NR2F1-AS1: variants seen among roughly 807,000 people sequenced by gnomAD.
The protein encoded by NR2F1-AS1 is NR2F1 regulatory antisense RNA 1, also known as NR2F1 antisense RNA 1.
intron 4 of NR2F1-AS1, among the ~76,000 whole-genome samples, chr5:93,479,025 C>T (rs886162275): frequency 1.3e-5 from 2 of 152,172 alleles, no homozygotes; most frequent in Admixed American, 1.3e-4. Context: ...TACTTCAGAA[C>T]TCAAGTCTAG....
At chr5:93,571,581 G>A (rs926816669) in intron 1 of NR2F1-AS1, among the ~76,000 whole-genome samples, 1 of 151,820 alleles carries the variant, frequency 6.6e-6, no homozygotes, top group East Asian at 1.9e-4. Context: ...ATGCAAGAGC[G>A]TTTGGGGAAA....
chr5:93,536,131 A>G (rs951391554), intron 4 of NR2F1-AS1, among the ~76,000 whole-genome samples: 2 of 152,168 alleles, frequency 1.3e-5, no homozygotes, highest in Non-Finnish European at 2.9e-5. Flanking sequence ...AAATCAGCAT[A>G]ATTTCTATAT....
chr5:93,557,822 G>A (rs894243431), intron 2 of NR2F1-AS1, among the ~76,000 whole-genome samples: 1 of 152,174 alleles, frequency 6.6e-6, no homozygotes, highest in Admixed American at 6.5e-5. Context: ...CCACAGTAGA[G>A]CTTCTTTCAA....
intron 4 of NR2F1-AS1, among the ~76,000 whole-genome samples, chr5:93,547,064 C>A (rs899237313): frequency 6.6e-5 from 10 of 152,232 alleles, no homozygotes; most frequent in South Asian, 4.2e-4. Context: ...GCCAGCCTGC[C>A]CTACAGATTT....
chr5:93,473,850 T>C (rs1166530665), intron 4 of NR2F1-AS1, among the ~76,000 whole-genome samples: 3 of 151,930 alleles, frequency 2.0e-5, no homozygotes, highest in Non-Finnish European at 2.9e-5. Flanking sequence ...AACCTACTCA[T>C]GGATACTTGA....
chr5:93,413,772 A>G (rs1192891476), intron 4 of NR2F1-AS1, among the ~76,000 whole-genome samples: 1 of 152,216 alleles, frequency 6.6e-6, no homozygotes, highest in East Asian at 1.9e-4. Context: ...TCTAAACTAC[A>G]TCAGAATAGA....
intron 1 of NR2F1-AS1, among the ~76,000 whole-genome samples, chr5:93,580,215 G>A (rs911406129): frequency 6.6e-6 from 1 of 152,230 alleles, no homozygotes; most frequent in Non-Finnish European, 1.5e-5. Context: ...AATGTGGATT[G>A]CTGCTCGCCT....
Position 93,441,807 on chromosome 5 carries a change from T to C in NR2F1-AS1, n.639-46265A>G, listed in dbSNP as rs571374307. On this transcript the variant is annotated intron_variant and non_coding_transcript_variant, in intron 4 of 5. Transcript: ENST00000660523. ...AATGTGCCTGTAACATTATATACCA[T>C]GTGTAGATGCTCAACAGAAGGCAGT... Among the ~76,000 whole-genome samples, 10 of 152,326 alleles carry C rather than the reference T, an allele frequency of 6.6e-5. No homozygotes were observed. In the South Asian group the frequency reaches 2.1e-3, roughly 32 times the overall value.
At chr5:93,497,344 C>T (rs957887948) in intron 4 of NR2F1-AS1, among the ~76,000 whole-genome samples, 1 of 152,136 alleles carries the variant, frequency 6.6e-6, no homozygotes, top group African/African-American at 2.4e-5. Context: ...CCCTCATCAC[C>T]ACAGCTGTGA....
chr5:93,521,060 C>G (rs6556824), intron 4 of NR2F1-AS1, among the ~76,000 whole-genome samples: 26,171 of 151,952 alleles, frequency 0.17, 3,510 homozygotes, highest in African/African-American at 0.38. Flanking sequence ...CCAGAAGTAA[C>G]GCCACACACC....
intron 1 of NR2F1-AS1, among the ~76,000 whole-genome samples, chr5:93,567,388 C>A (rs1752643320): frequency 6.6e-6 from 1 of 152,050 alleles, no homozygotes; most frequent in Non-Finnish European, 1.5e-5. Flanking sequence ...ATGAAGTAGC[C>A]TATTGATTGC....
At chr5:93,534,736 G>C (rs2149902265) in intron 4 of NR2F1-AS1, among the ~76,000 whole-genome samples, 1 of 152,232 alleles carries the variant, frequency 6.6e-6, no homozygotes, top group East Asian at 1.9e-4. Flanking sequence ...CAGGAAACAA[G>C]TAAATTACGA....
intron 4 of NR2F1-AS1, among the ~76,000 whole-genome samples, chr5:93,412,995 G>A (rs540750714): frequency 1.2e-3 from 179 of 151,324 alleles, no homozygotes; most frequent in African/African-American, 3.7e-3. Flanking sequence ...CCTGTTCCCT[G>A]GAAACCTATG....
At chr5:93,477,848 G>A (rs1750517229) in intron 4 of NR2F1-AS1, among the ~76,000 whole-genome samples, 1 of 152,178 alleles carries the variant, frequency 6.6e-6, no homozygotes. Context: ...TTTCCAGAAT[G>A]AGTAAACACA....
intron 4 of NR2F1-AS1, among the ~76,000 whole-genome samples, chr5:93,464,677 G>A (rs1750186268): frequency 6.6e-6 from 1 of 152,192 alleles, no homozygotes; most frequent in Non-Finnish European, 1.5e-5. Flanking sequence ...GCCCAATAGG[G>A]CCTCTGAGCT....
intron 1 of NR2F1-AS1, chr5:93,563,574 A>C (rs1561505584): frequency 6.6e-6 from 1 of 152,154 alleles, no homozygotes; most frequent in African/African-American, 2.4e-5. Context: ...TCTCACACAC[A>C]CCCTAAAGAA....
chr5:93,473,123 A>G (rs1315372722), intron 4 of NR2F1-AS1, among the ~76,000 whole-genome samples: 1 of 151,844 alleles, frequency 6.6e-6, no homozygotes, highest in Non-Finnish European at 1.5e-5. Context: ...CCTTGCTATT[A>G]TTTAGTTTAC....
intron 4 of NR2F1-AS1, among the ~76,000 whole-genome samples, chr5:93,510,758 G>A (rs1751278248): frequency 6.6e-6 from 1 of 152,146 alleles, no homozygotes. Context: ...AAGTTATCAT[G>A]CAGCCAAAGA....
intron 4 of NR2F1-AS1, among the ~76,000 whole-genome samples, chr5:93,479,837 T>C (rs1406843761): frequency 6.7e-6 from 1 of 148,420 alleles, no homozygotes; most frequent in Non-Finnish European, 1.5e-5. Context: ...AATAAAGGAA[T>C]AGAAATTATT....
Sources: allele counts gnomAD v4.1 joint callset (sites outside exome capture counted in the v4.1 genomes callset), GRCh38; gene constraint gnomAD v4.1.1; transcripts MANE v1.5; gene names NCBI Gene and HGNC (gene_info 2026-07-23, HGNC 2026-07-21).